Variants in MCU observed in about 807,000 individuals in gnomAD.
MCU encodes mitochondrial calcium uniporter.
Under a neutral mutation model 45.2 loss-of-function variants are expected in MCU, and 12 were observed. The observed-to-expected ratio is 0.27, with a 90% CI of 0.17 to 0.43. The LOEUF is 0.43. Among genes scored for constraint, MCU ranks in the 20% least tolerant of loss-of-function variants. The pLI is 1.00. For synonymous variants in MCU, 160 were observed against 165.1 expected, an observed-to-expected ratio of 0.97 and a Z score of 0.24; for missense variants, 324 against 436.7, an observed-to-expected ratio of 0.74 and a Z score of 2.30.
chr10:72,693,855 G>A (rs559321030), intron 1 of MCU, among the ~76,000 whole-genome samples: 17 of 152,306 alleles, frequency 1.1e-4, no homozygotes, highest in African/African-American at 4.1e-4. Context: ...ACTACTTAAA[G>A]GCTTCCCAAG....
rs549990005 is a variant in MCU at position 72,870,552 on chromosome 10, G to A, written c.658-825G>A. 1.4e-4 allele frequency among the ~76,000 whole-genome samples: 22 copies of A among 152,312 alleles called. 1 individual carries two copies. In the South Asian group the frequency reaches 4.6e-3, roughly 32 times the overall value. On this transcript the variant is annotated intron_variant, in intron 5 of 7. Coordinates refer to ENST00000373053, the MANE Select transcript of MCU (RefSeq NM_138357.3). ...CTGCCTTGGCCTCCCAAAGTGCTGG[G>A]ATTACAGGCGTGAGCCACCGCGCCC... is the stretch of plus-strand genomic sequence containing the variant.
chr10:72,814,125 A>T lies in MCU; in HGVS notation c.151-20234A>T, dbSNP rs1026231394. ...ACACATGTTCAACAAATGAGGGTCA[A>T]ATCAAATGGAAGAGTGCAACAAGGG... is the stretch of plus-strand genomic sequence containing the variant. On this transcript the variant is annotated intron_variant, in intron 1 of 7. Transcript: ENST00000373053. 2.6e-5 allele frequency among the ~76,000 whole-genome samples: 4 copies of T among 152,260 alleles called. No individual in the cohort carries two copies. The East Asian group carries it at 7.7e-4, about 29-fold the overall frequency.
chr10:72,865,697 C>T (rs1385494061), intron 4 of MCU, among the ~76,000 whole-genome samples: 2 of 151,296 alleles, frequency 1.3e-5, no homozygotes, highest in Non-Finnish European at 2.9e-5. Context: ...ACATGCCACA[C>T]GCCGGCAAAT....
Position 72,805,275 on chromosome 10 carries a change from G to T in MCU, c.151-29084G>T, listed in dbSNP as rs1451652564. Among the ~76,000 whole-genome samples the T allele has an allele frequency of 4.2e-5, 6 of 144,574 alleles. No homozygotes were observed. The East Asian group carries it at 1.2e-3, about 29-fold the overall frequency. The allele number at this position is 144,574 out of a possible 152,430, so 94.8% of individuals were successfully genotyped here. The stretch of plus-strand genomic sequence containing the variant: ...TTTCTTCTTTTTTTTTGGAGACAGG[G>T]TCTCGCTCTGTTGCCCAGGCTGGAG... On this transcript the variant is annotated intron_variant, in intron 1 of 7. Coordinates refer to ENST00000373053, the MANE Select transcript of MCU (RefSeq NM_138357.3).
chr10:72,755,663 T>C (rs1449524002), intron 1 of MCU, among the ~76,000 whole-genome samples: 1 of 152,212 alleles, frequency 6.6e-6, no homozygotes, highest in Admixed American at 6.5e-5. Context: ...CACTATGAGT[T>C]TGCACTTGTA....
chr10:72,697,553 C>T (rs558674121), intron 1 of MCU, among the ~76,000 whole-genome samples: 1 of 151,558 alleles, frequency 6.6e-6, no homozygotes, highest in African/African-American at 2.4e-5. Context: ...CCTGCCTCAG[C>T]CTCCCAAGTA....
rs16930154 is a variant in MCU at position 72,884,254 on chromosome 10, T to G, written c.862-12T>G. Reference sequence around the variant, plus strand: ...GCTAAGGACTGATAATTCCGTTTCTTCATTTTTTTAGGAATATGTTTATCC... The same window carrying G: ...GCTAAGGACTGATAATTCCGTTTCTGCATTTTTTTAGGAATATGTTTATCC... On this transcript the variant is annotated splice_polypyrimidine_tract_variant and intron_variant, in intron 6 of 7. Transcript: ENST00000373053. 4 of 1,484,972 alleles carry G rather than the reference T, an allele frequency of 2.7e-6. 1 individual carries two copies. The South Asian group carries it at 4.5e-5, about 17-fold the overall frequency. The allele number at this position is 1,484,972 out of a possible 1,614,324, so 92.0% of individuals were successfully genotyped here.
chr10:72,852,793 G>T (rs1845227248), intron 2 of MCU, among the ~76,000 whole-genome samples: 1 of 152,216 alleles, frequency 6.6e-6, no homozygotes, highest in Non-Finnish European at 1.5e-5. Context: ...TAGGCATCCT[G>T]TGAGGCTTTG....
At chr10:72,813,247 A>G (rs1219193097) in intron 1 of MCU, among the ~76,000 whole-genome samples, 1 of 152,088 alleles carries the variant, frequency 6.6e-6, no homozygotes, top group East Asian at 1.9e-4. Flanking sequence ...ACAGCTGACC[A>G]GCCAACTTGG....
At chr10:72,811,760 G>T (rs575299233) in intron 1 of MCU, among the ~76,000 whole-genome samples, 26 of 152,268 alleles carry the variant, frequency 1.7e-4, no homozygotes, top group African/African-American at 6.3e-4. Context: ...TAAATTTCAT[G>T]TTAACTAACT....
chr10:72,875,071 A>G, intron 6 of MCU, among the ~76,000 whole-genome samples: 1 of 152,168 alleles, frequency 6.6e-6, no homozygotes, highest in East Asian at 1.9e-4. Context: ...ATAGATGAGG[A>G]AACTGAGTCT....
intron 1 of MCU, among the ~76,000 whole-genome samples, chr10:72,701,568 C>G (rs1035778842): frequency 2.6e-5 from 4 of 152,086 alleles, no homozygotes; most frequent in Admixed American, 2.6e-4. Flanking sequence ...ACTCTGTCGC[C>G]CAGGCTGGAG....
intron 1 of MCU, among the ~76,000 whole-genome samples, chr10:72,794,104 A>C (rs1844208840): frequency 6.6e-6 from 1 of 152,180 alleles, no homozygotes; most frequent in Non-Finnish European, 1.5e-5. Context: ...GGTGTTGTTA[A>C]AATTTTTTTT....
At chr10:72,734,938 G>A (rs2132689208) in intron 1 of MCU, among the ~76,000 whole-genome samples, 1 of 152,078 alleles carries the variant, frequency 6.6e-6, no homozygotes, top group South Asian at 2.1e-4. Flanking sequence ...AATTAGCTGG[G>A]TGTGGTGGTG....
chr10:72,857,501 G>T (rs1278727080), intron 2 of MCU, among the ~76,000 whole-genome samples: 3 of 152,026 alleles, frequency 2.0e-5, no homozygotes, highest in Non-Finnish European at 2.9e-5. Context: ...GCCTCCCAAA[G>T]TGCTGGGATT....
intron 1 of MCU, chr10:72,708,387 C>G (rs951644405): frequency 1.3e-5 from 2 of 152,136 alleles, no homozygotes; most frequent in African/African-American, 4.8e-5. Context: ...TGGGACTGTA[C>G]TAGTAATTTA....
chr10:72,816,544 G>A (rs553030500), intron 1 of MCU, among the ~76,000 whole-genome samples: 8 of 152,308 alleles, frequency 5.3e-5, no homozygotes, highest in South Asian at 4.1e-4. Flanking sequence ...TCAGGAGGCC[G>A]AAGCAGGAGG....
rs185068525 is a variant in MCU at position 72,793,001 on chromosome 10, C to A, written c.151-41358C>A. 9.9e-5 allele frequency among the ~76,000 whole-genome samples: 15 copies of A among 152,122 alleles called. No homozygotes were observed. In the East Asian group the frequency reaches 2.7e-3, roughly 27 times the overall value. On this transcript the variant is annotated intron_variant, in intron 1 of 7. Coordinates refer to ENST00000373053, the MANE Select transcript of MCU (RefSeq NM_138357.3). ...TCACGTGATTCTTTTGCCTCAGCTT[C>A]CTGGGTAGCTGGGATTACAGGCGCA...
intron 2 of MCU, among the ~76,000 whole-genome samples, chr10:72,856,447 T>C (rs1396762990): frequency 6.6e-6 from 1 of 152,158 alleles, no homozygotes; most frequent in Admixed American, 6.6e-5. Context: ...AATGTAGGCC[T>C]TATGAATTAC....
Sources: gnomAD v4.1 joint callset for allele counts (sites outside exome capture counted in the v4.1 genomes callset) on GRCh38, gnomAD v4.1.1 for gene constraint, MANE v1.5 for transcripts, NCBI Gene and HGNC (gene_info 2026-07-23, HGNC 2026-07-21) for gene names.